The following SPIDR variants were observed in gnomAD, a reference collection of about 807,000 sequenced individuals.
The protein encoded by SPIDR is DNA repair-scaffolding protein.
A neutral mutation model predicts 104.6 loss-of-function variants in SPIDR; 93 were observed. That is an observed-to-expected ratio of 0.89 (90% CI 0.75 to 1.06). SPIDR has a LOEUF of 1.06. SPIDR is among the 50% of genes least tolerant of loss of function. The pLI is 0.00. For missense variants in SPIDR, 1,154 were observed against 1,111.2 expected (o/e 1.04, Z -0.55); for synonymous variants, 431 against 416.9 (o/e 1.03, Z -0.41).
chr8:47,449,404 T>C (rs2071285285), intron 8 of SPIDR, among the ~76,000 whole-genome samples: 1 of 152,192 alleles, frequency 6.6e-6, no homozygotes, highest in Admixed American at 6.5e-5. Context: ...TCGTCTGGGT[T>C]TTTAGTATAA....
chr8:47,339,644 G>A (rs1156652734), intron 5 of SPIDR, among the ~76,000 whole-genome samples: 1 of 150,558 alleles, frequency 6.6e-6, no homozygotes, highest in East Asian at 1.9e-4. Context: ...ACTTTAAGCT[G>A]AATACATGTT....
intron 5 of SPIDR, among the ~76,000 whole-genome samples, chr8:47,387,218 C>T (rs574812665): frequency 9.9e-5 from 15 of 152,248 alleles, no homozygotes; most frequent in African/African-American, 3.4e-4. Context: ...TGGGGAGCAG[C>T]GAGGAGGCAG....
intron 5 of SPIDR, among the ~76,000 whole-genome samples, chr8:47,347,275 C>G (rs1201884097): frequency 6.6e-6 from 1 of 152,178 alleles, no homozygotes; most frequent in Non-Finnish European, 1.5e-5. Flanking sequence ...GTTTCTTAAT[C>G]CTGAGATCTA....
intron 5 of SPIDR, among the ~76,000 whole-genome samples, chr8:47,393,835 C>CTCCCTT (rs558450575): frequency 0.028 from 4,131 of 146,258 alleles, 181 homozygotes; most frequent in African/African-American, 0.097. Context: ...CTCTCTCTCT[C>CTCCCTT]TCCCTTTCCC....
At chr8:47,299,497 A>G (rs1384926783) in intron 5 of SPIDR, among the ~76,000 whole-genome samples, 2 of 152,006 alleles carry the variant, frequency 1.3e-5, no homozygotes, top group South Asian at 4.2e-4. Context: ...GTTGAATAGG[A>G]GTGGTGAGAG....
intron 8 of SPIDR, among the ~76,000 whole-genome samples, chr8:47,488,700 C>A (rs1405547174): frequency 6.6e-6 from 1 of 152,084 alleles, no homozygotes; most frequent in Non-Finnish European, 1.5e-5. Context: ...GTTCAACATA[C>A]GCAAATCAAT....
chr8:47,412,012 A>G (rs1277118273), intron 7 of SPIDR, among the ~76,000 whole-genome samples: 1 of 152,082 alleles, frequency 6.6e-6, no homozygotes, highest in Non-Finnish European at 1.5e-5. Context: ...CCATTGGTCT[A>G]TATCTCTGTT....
intron 5 of SPIDR, among the ~76,000 whole-genome samples, chr8:47,322,427 G>C (rs1350454615): frequency 2.6e-5 from 4 of 152,174 alleles, no homozygotes; most frequent in Non-Finnish European, 5.9e-5. Context: ...TCATTAAGAA[G>C]TCAGGAAACA....
chr8:47,426,098 A>T (rs1333087925), intron 7 of SPIDR, among the ~76,000 whole-genome samples: 2 of 152,028 alleles, frequency 1.3e-5, no homozygotes, highest in Non-Finnish European at 2.9e-5. Context: ...AAAAAAAAAA[A>T]AAAATTAACC....
chr8:47,715,207 C>T (rs927450173), intron 16 of SPIDR, among the ~76,000 whole-genome samples: 5 of 151,856 alleles, frequency 3.3e-5, no homozygotes, highest in African/African-American at 4.8e-5. Flanking sequence ...GATGGAGTCT[C>T]GCTCTGTCAC....
At chr8:47,588,033 ATATATATATATATATAT>A (rs763087879) in intron 8 of SPIDR, among the ~76,000 whole-genome samples, 849 of 23,294 alleles carry the variant, frequency 0.036, 80 homozygotes, top group Non-Finnish European at 0.043. Flanking sequence ...TAGCATATAT[ATATATATATATATATAT>A]ATATATATAT....
At chr8:47,661,009 C>G (rs2074028653) in intron 10 of SPIDR, 1 of 980,520 alleles carries the variant, frequency 1.0e-6, no homozygotes, top group Non-Finnish European at 1.2e-6. Context: ...TGCAGGTACC[C>G]AAACTCCTAG....
chr8:47,342,752 T>A (rs1394405383), intron 5 of SPIDR, among the ~76,000 whole-genome samples: 1 of 152,224 alleles, frequency 6.6e-6, no homozygotes, highest in Non-Finnish European at 1.5e-5. Context: ...GTACCTTTAG[T>A]GCAGATACCT....
intron 5 of SPIDR, among the ~76,000 whole-genome samples, chr8:47,319,499 G>A (rs959419116): frequency 6.6e-6 from 1 of 152,152 alleles, no homozygotes; most frequent in African/African-American, 2.4e-5. Context: ...AATAATGGGA[G>A]ACTTTAACAC....
intron 11 of SPIDR, among the ~76,000 whole-genome samples, chr8:47,685,781 T>A (rs2077729813): frequency 6.6e-6 from 1 of 151,936 alleles, no homozygotes; most frequent in African/African-American, 2.4e-5. Context: ...CTCAATCTCT[T>A]GACCTCATGA....
chr8:47,586,498 C>T (rs2060265626), intron 8 of SPIDR, among the ~76,000 whole-genome samples: 1 of 152,206 alleles, frequency 6.6e-6, no homozygotes. Flanking sequence ...TGTAGAACAT[C>T]TTTCCTTGTG....
chr8:47,467,205 A>T (rs1024743767), intron 8 of SPIDR, among the ~76,000 whole-genome samples: 6 of 152,118 alleles, frequency 3.9e-5, no homozygotes, highest in African/African-American at 1.4e-4. Context: ...TGAGCTCCAA[A>T]ATCGAGTCAG....
intron 8 of SPIDR, among the ~76,000 whole-genome samples, chr8:47,444,181 A>G (rs1488374221): frequency 1.3e-5 from 2 of 152,218 alleles, no homozygotes; most frequent in African/African-American, 4.8e-5. Flanking sequence ...TTCCAAAGAA[A>G]CATCTCACCA....
chr8:47,600,891 G>A (rs2154426538), intron 10 of SPIDR, among the ~76,000 whole-genome samples: 1 of 152,294 alleles, frequency 6.6e-6, no homozygotes, highest in African/African-American at 2.4e-5. Context: ...GAATCACCCT[G>A]ACGAGAAAGA....
Sources: allele counts gnomAD v4.1 joint callset (sites outside exome capture counted in the v4.1 genomes callset), GRCh38; gene constraint gnomAD v4.1.1; transcripts MANE v1.5; gene names NCBI Gene and HGNC (gene_info 2026-07-23, HGNC 2026-07-21).